FAM13A: variants seen among roughly 807,000 people sequenced by gnomAD.
FAM13A encodes the protein protein FAM13A.
A neutral mutation model predicts 129.6 loss-of-function variants in FAM13A; 76 were observed. The ratio of observed to expected loss-of-function variants is 0.59; its 90% CI spans 0.49 to 0.71. The LOEUF is 0.71. Ranked by LOEUF, FAM13A falls within the 30% of genes least tolerant of loss-of-function variation. FAM13A has a pLI of 0.00. For synonymous variants in FAM13A, 443 were observed against 449.9 expected (o/e 0.98, Z 0.20); for missense variants, 1,108 against 1,249.3 (o/e 0.89, Z 1.70).
At chr4:88,992,651 C>A (rs995054675) in intron 3 of FAM13A, among the ~76,000 whole-genome samples, 1 of 152,104 alleles carries the variant, frequency 6.6e-6, no homozygotes, top group Non-Finnish European at 1.5e-5. Context: ...AACAATATAT[C>A]AAAATTCATA....
At chr4:88,825,448 C>T (rs1455439308) in intron 7 of FAM13A, among the ~76,000 whole-genome samples, 2 of 152,080 alleles carry the variant, frequency 1.3e-5, no homozygotes, top group Non-Finnish European at 2.9e-5. Context: ...AACTCCTGAC[C>T]TCAAATGATC....
chr4:88,835,881 C>T (rs987032260), intron 7 of FAM13A, among the ~76,000 whole-genome samples: 3 of 152,100 alleles, frequency 2.0e-5, no homozygotes, highest in African/African-American at 7.2e-5. Flanking sequence ...TCTTAATAGG[C>T]CATGGACCTG....
chr4:88,885,633 G>A (rs7687539), intron 6 of FAM13A, among the ~76,000 whole-genome samples: 44,677 of 151,970 alleles, frequency 0.29, 6,956 homozygotes, highest in African/African-American at 0.4. Flanking sequence ...AAAAGCATAT[G>A]CAACAATAAC....
intron 7 of FAM13A, among the ~76,000 whole-genome samples, chr4:88,832,169 G>A (rs370838692): frequency 1.3e-3 from 204 of 152,168 alleles, no homozygotes; most frequent in Middle Eastern, 0.01. Context: ...GGTGCTGGGA[G>A]AACTGGCTAG....
chr4:88,991,724 CAG>C (rs1242203322), intron 3 of FAM13A, among the ~76,000 whole-genome samples: 2 of 152,148 alleles, frequency 1.3e-5, no homozygotes, highest in Non-Finnish European at 2.9e-5. Flanking sequence ...GTACTGTACA[CAG>C]AGAAAACTAA....
chr4:88,953,441 C>T (rs899790500), intron 4 of FAM13A, among the ~76,000 whole-genome samples: 19 of 152,050 alleles, frequency 1.2e-4, no homozygotes, highest in African/African-American at 4.1e-4. Flanking sequence ...TGTGACAGAG[C>T]GAGACTCTAT....
intron 2 of FAM13A, among the ~76,000 whole-genome samples, chr4:89,028,754 C>T (rs1054182577): frequency 7.2e-6 from 1 of 138,718 alleles, no homozygotes; most frequent in Non-Finnish European, 1.5e-5. Context: ...CACATGTACC[C>T]TAAAACTTAA....
intron 3 of FAM13A, among the ~76,000 whole-genome samples, chr4:89,012,266 T>A (rs558096733): frequency 3.9e-5 from 6 of 152,114 alleles, no homozygotes; most frequent in African/African-American, 1.4e-4. Flanking sequence ...GGATAAAAGA[T>A]CAAAAGGCAT....
chr4:88,765,851 C>T (rs776695021), intron 13 of FAM13A, among the ~76,000 whole-genome samples: 24 of 152,136 alleles, frequency 1.6e-4, no homozygotes, highest in Non-Finnish European at 2.5e-4. Flanking sequence ...TATTAGTGAA[C>T]GCCTAAGCAG....
chr4:89,024,717 T>C (rs546803957), intron 2 of FAM13A, among the ~76,000 whole-genome samples: 39 of 152,338 alleles, frequency 2.6e-4, no homozygotes, highest in African/African-American at 7.2e-4. Context: ...TCAAACTTTA[T>C]ACTACCCTTC....
chr4:88,873,510 T>C (rs1487366285), intron 6 of FAM13A, among the ~76,000 whole-genome samples: 1 of 152,042 alleles, frequency 6.6e-6, no homozygotes, highest in African/African-American at 2.4e-5. Context: ...ATACTATAAA[T>C]ACCTCTAGGC....
chr4:88,918,194 G>T (rs1342987813), intron 5 of FAM13A, among the ~76,000 whole-genome samples: 3 of 152,044 alleles, frequency 2.0e-5, no homozygotes, highest in Non-Finnish European at 4.4e-5. Flanking sequence ...TTCATATTGT[G>T]GGCACTCGAG....
chr4:88,807,647 A>G (rs546423031), intron 7 of FAM13A, among the ~76,000 whole-genome samples: 8 of 152,330 alleles, frequency 5.3e-5, no homozygotes, highest in African/African-American at 1.9e-4. Context: ...CAGCCACAAC[A>G]AGATCTCGTG....
At chr4:89,040,233 T>A (rs1048673952) in intron 1 of FAM13A, among the ~76,000 whole-genome samples, 1 of 152,180 alleles carries the variant, frequency 6.6e-6, no homozygotes. Context: ...TATATGCAAA[T>A]ATATACAAAC....
chr4:88,834,804 C>T (rs1169898457), intron 7 of FAM13A, among the ~76,000 whole-genome samples: 1 of 152,060 alleles, frequency 6.6e-6, no homozygotes, highest in African/African-American at 2.4e-5. Context: ...CAAGTGATAC[C>T]TGAATGAATA....
chr4:88,917,539 T>C (rs1750311405), intron 5 of FAM13A, among the ~76,000 whole-genome samples: 1 of 152,088 alleles, frequency 6.6e-6, no homozygotes, highest in Admixed American at 6.6e-5. Flanking sequence ...CTGCTGCCCA[T>C]CATCAAATTT....
chr4:88,930,758 T>C (rs1319150505), intron 5 of FAM13A, among the ~76,000 whole-genome samples: 2 of 152,070 alleles, frequency 1.3e-5, no homozygotes, highest in Non-Finnish European at 2.9e-5. Flanking sequence ...TGAAGTGGTA[T>C]GGGTGATGGC....
chr4:88,762,953 C>A (rs1211680300), intron 13 of FAM13A, among the ~76,000 whole-genome samples: 1 of 152,092 alleles, frequency 6.6e-6, no homozygotes, highest in African/African-American at 2.4e-5. Flanking sequence ...TAAACATTGT[C>A]AAAAATGCTG....
rs1215286484 is a variant in FAM13A at position 89,029,534 on chromosome 4, A to C, written c.143T>G (p.Leu48Arg). The C allele has an allele frequency of 2.5e-6, 4 of 1,596,728 alleles. No homozygotes were observed. The South Asian group carries it at 4.5e-5, about 18-fold the overall frequency. Reference sequence around the variant, plus strand: ...ATTCTCGGTGAGCCCCTGCCGTTCAAGTTCTTGGAGACTGACTCCAAATAA... The same window carrying C: ...ATTCTCGGTGAGCCCCTGCCGTTCACGTTCTTGGAGACTGACTCCAAATAA... ...QKLFGVSLQE[L>R]ERQGLTENGI... is the part of the protein sequence containing the mutation. Residue 48 changes from leucine to arginine, a missense_variant, in exon 2 of 24, where the codon CTT becomes CGT. Leu to Arg is a moderately radical substitution (Grantham distance 102). This residue lies in a region of FAM13A where 566 missense variants were observed against 595.7 expected (regional missense o/e 0.95). Transcript: ENST00000264344.
Sources: allele counts gnomAD v4.1 joint callset (sites outside exome capture counted in the v4.1 genomes callset), GRCh38; gene constraint gnomAD v4.1.1; regional missense constraint gnomAD v4.1.1; transcripts MANE v1.5; gene names NCBI Gene and HGNC (gene_info 2026-07-23, HGNC 2026-07-21).